Variants in MAGI2 observed in about 807,000 individuals in gnomAD.
The protein encoded by MAGI2 is membrane-associated guanylate kinase, WW and PDZ domain-containing protein 2.
MAGI2 carries 35 observed loss-of-function variants against 133.3 expected under a neutral mutation model. That is an observed-to-expected ratio of 0.26 (90% confidence interval 0.20 to 0.35). The LOEUF is 0.35. Ranked by LOEUF, MAGI2 falls within the 10% of genes least tolerant of loss-of-function variation. The probability of loss-of-function intolerance (pLI) is 1.00; values close to 1 mark genes in which losing one functional copy is unlikely to be tolerated. For synonymous variants in MAGI2, 729 were observed against 710.6 expected (o/e 1.03, Z -0.41); for missense variants, 1,636 against 1,863.4 (o/e 0.88, Z 2.25).
intron 9 of MAGI2, among the ~76,000 whole-genome samples, chr7:78,276,851 T>A (rs1795109208): frequency 6.6e-6 from 1 of 152,074 alleles, no homozygotes; most frequent in African/African-American, 2.4e-5. Context: ...GCCTGGTAAA[T>A]TCTAGTGGAA....
chr7:79,199,046 T>A (rs970649194), intron 1 of MAGI2, among the ~76,000 whole-genome samples: 13 of 151,854 alleles, frequency 8.6e-5, no homozygotes, highest in Non-Finnish European at 1.3e-4. Context: ...TAAAAAAAAA[T>A]TAAAATTGAA....
At chr7:78,552,963 G>C (rs1252522361) in intron 3 of MAGI2, among the ~76,000 whole-genome samples, 1 of 152,058 alleles carries the variant, frequency 6.6e-6, no homozygotes, top group African/African-American at 2.4e-5. Flanking sequence ...CAATTGCTAT[G>C]GATATGAATG....
chr7:78,167,432 T>C (rs1825722944), intron 15 of MAGI2, among the ~76,000 whole-genome samples: 1 of 152,208 alleles, frequency 6.6e-6, no homozygotes, highest in Non-Finnish European at 1.5e-5. Flanking sequence ...TGTGTTTTCT[T>C]GGAGCGAGGT....
intron 1 of MAGI2, among the ~76,000 whole-genome samples, chr7:79,234,880 G>C (rs544087483): frequency 6.6e-6 from 1 of 151,928 alleles, no homozygotes; most frequent in East Asian, 1.9e-4. Context: ...CTGCGTTTTA[G>C]AGTTTCCAGT....
intron 1 of MAGI2, among the ~76,000 whole-genome samples, chr7:79,247,591 T>C (rs1428354993): frequency 6.6e-6 from 1 of 152,112 alleles, no homozygotes; most frequent in African/African-American, 2.4e-5. Context: ...CCAGCCTGAG[T>C]GACAGCATAA....
intron 7 of MAGI2, among the ~76,000 whole-genome samples, chr7:78,354,726 T>C (rs1384152850): frequency 6.6e-6 from 1 of 152,184 alleles, no homozygotes; most frequent in Non-Finnish European, 1.5e-5. Context: ...ATTCCTTTTA[T>C]ATGCTAGAAT....
intron 6 of MAGI2, among the ~76,000 whole-genome samples, chr7:78,399,794 G>C (rs1184660091): frequency 9.7e-6 from 1 of 103,554 alleles, no homozygotes; most frequent in Admixed American, 1.5e-4. Flanking sequence ...GACAGAGTGA[G>C]ACTTTGTATC....
At chr7:78,673,578 C>G (rs973707158) in intron 2 of MAGI2, among the ~76,000 whole-genome samples, 1 of 152,054 alleles carries the variant, frequency 6.6e-6, no homozygotes, top group Admixed American at 6.5e-5. Context: ...AGACCAATGT[C>G]CTAGCTCAGA....
chr7:78,907,298 T>C (rs112988553), intron 2 of MAGI2, among the ~76,000 whole-genome samples: 11 of 152,300 alleles, frequency 7.2e-5, no homozygotes, highest in African/African-American at 2.6e-4. Context: ...CATTCTTCTG[T>C]TGGGCTTAAG....
chr7:78,424,468 T>A (rs1047080452), intron 6 of MAGI2, among the ~76,000 whole-genome samples: 1 of 151,868 alleles, frequency 6.6e-6, no homozygotes, highest in African/African-American at 2.4e-5. Context: ...CTGCACAGAG[T>A]CCTTACTGGG....
intron 21 of MAGI2, chr7:78,073,089 A>T: frequency 2.5e-6 from 1 of 396,662 alleles, no homozygotes; most frequent in Non-Finnish European, 4.4e-6. Context: ...GATTAAAGGA[A>T]GACTTTTAAC....
chr7:78,445,757 C>T (rs1191414228), intron 6 of MAGI2, among the ~76,000 whole-genome samples: 1 of 151,912 alleles, frequency 6.6e-6, no homozygotes, highest in Non-Finnish European at 1.5e-5. Context: ...TTAAATGTGA[C>T]AATTTCAGGA....
intron 2 of MAGI2, among the ~76,000 whole-genome samples, chr7:78,866,657 G>A (rs1256969552): frequency 6.6e-6 from 1 of 151,798 alleles, no homozygotes; most frequent in Non-Finnish European, 1.5e-5. Flanking sequence ...GAGGGACTGA[G>A]GTCAAATAAC....
intron 2 of MAGI2, among the ~76,000 whole-genome samples, chr7:78,945,066 T>A (rs1471396254): frequency 6.6e-6 from 1 of 152,000 alleles, no homozygotes; most frequent in Non-Finnish European, 1.5e-5. Context: ...TAATTAATTA[T>A]TTTTTTGAGA....
At chr7:79,445,244 C>T (rs1848765977) in intron 1 of MAGI2, among the ~76,000 whole-genome samples, 1 of 152,178 alleles carries the variant, frequency 6.6e-6, no homozygotes, top group Non-Finnish European at 1.5e-5. Context: ...CCATTCAGGA[C>T]ATAGGCAGGG....
At chr7:78,878,255 A>T (rs1301001525) in intron 2 of MAGI2, among the ~76,000 whole-genome samples, 1 of 152,062 alleles carries the variant, frequency 6.6e-6, no homozygotes, top group African/African-American at 2.4e-5. Context: ...CTTAGAAAAA[A>T]CCTGTGCTTG....
intron 1 of MAGI2, among the ~76,000 whole-genome samples, chr7:79,432,378 C>T (rs1037869847): frequency 5.3e-5 from 8 of 152,170 alleles, no homozygotes; most frequent in African/African-American, 1.9e-4. Flanking sequence ...CATGATGATA[C>T]CCACAAGCAA....
chr7:78,569,930 A>ATTTGTTTTTGATATGATTC (rs1370637958), intron 3 of MAGI2, among the ~76,000 whole-genome samples: 6 of 152,178 alleles, frequency 3.9e-5, no homozygotes, highest in Admixed American at 2.6e-4. Context: ...TTGCTCAGCA[A>ATTTGTTTTTGATATGATTC]TTTGTTTTTG....
chr7:78,877,966 A>G (rs915194870), intron 2 of MAGI2, among the ~76,000 whole-genome samples: 2 of 152,186 alleles, frequency 1.3e-5, no homozygotes, highest in African/African-American at 2.4e-5. Flanking sequence ...ATTTTTATAC[A>G]TATGTCTTAT....
Sources: gnomAD v4.1 joint callset for allele counts (sites outside exome capture counted in the v4.1 genomes callset) on GRCh38, gnomAD v4.1.1 for gene constraint, MANE v1.5 for transcripts, NCBI Gene and HGNC (gene_info 2026-07-23, HGNC 2026-07-21) for gene names.